Variants in VPS13D observed in about 807,000 individuals in gnomAD.
VPS13D encodes the protein vacuolar protein sorting 13 homolog D.
In VPS13D, 187 loss-of-function variants were observed where a neutral mutation model predicts 461.9. The observed-to-expected ratio is 0.40, with a 90% CI of 0.36 to 0.46. The LOEUF is 0.46. Among genes scored for constraint, VPS13D ranks in the 20% least tolerant of loss-of-function variants. The pLI is 0.60. For missense variants in VPS13D, 4,711 were observed against 5,364.9 expected (o/e 0.88, Z 3.81); for synonymous variants, 1,951 against 1,986.3 (o/e 0.98, Z 0.47).
chr1:12,262,745 C>T (rs923489894), intron 13 of VPS13D, among the ~76,000 whole-genome samples: 4 of 151,650 alleles, frequency 2.6e-5, no homozygotes, highest in Non-Finnish European at 1.5e-5. Context: ...GCTCTGTCGC[C>T]TAGGCTGCAG....
Position 12,288,325 on chromosome 1 carries a change from G to T in VPS13D, c.5725+12G>T. 1 of 1,613,116 alleles carries T rather than the reference G, an allele frequency of 6.2e-7. No homozygotes were observed. The highest frequency in any genetic ancestry group is 8.5e-7 in the Non-Finnish European group (1 of 1,179,100). On this transcript the variant is annotated intron_variant, in intron 22 of 69. Coordinates refer to ENST00000620676, the MANE Select transcript of VPS13D (RefSeq NM_015378.4). ...CCTGGAAATGATTGGTAAGTGGTGG[G>T]GGGTGGAGGGAAGCAAACTTGCAAA...
chr1:12,303,766 A>T (rs536834315), intron 25 of VPS13D, among the ~76,000 whole-genome samples: 37 of 152,226 alleles, frequency 2.4e-4, no homozygotes, highest in Non-Finnish European at 7.3e-5. Flanking sequence ...GGAGCTGTGC[A>T]GACATGTAGC....
At chr1:12,266,218 A>G (rs768758101) in intron 13 of VPS13D, among the ~76,000 whole-genome samples, 2 of 152,198 alleles carry the variant, frequency 1.3e-5, no homozygotes, top group African/African-American at 4.8e-5. Context: ...TAGGATACTA[A>G]ATCAACTTAG....
At chr1:12,403,387 T>G (rs769591392) in intron 62 of VPS13D, among the ~76,000 whole-genome samples, 4 of 152,260 alleles carry the variant, frequency 2.6e-5, no homozygotes, top group Non-Finnish European at 4.4e-5. Context: ...GCATTTATGT[T>G]TCACTCAGAT....
intron 42 of VPS13D, among the ~76,000 whole-genome samples, chr1:12,344,506 A>C (rs1643635364): frequency 6.6e-6 from 1 of 152,184 alleles, no homozygotes; most frequent in Non-Finnish European, 1.5e-5. Context: ...TGGTCCCCAC[A>C]GTTCTTGGAG....
chr1:12,320,895 T>A (rs1325480113), intron 32 of VPS13D, among the ~76,000 whole-genome samples: 1 of 152,228 alleles, frequency 6.6e-6, no homozygotes, highest in Non-Finnish European at 1.5e-5. Flanking sequence ...AAGACCAGCT[T>A]GATAAATCAT....
At chr1:12,429,113 T>A (rs1287585263) in intron 65 of VPS13D, among the ~76,000 whole-genome samples, 4 of 152,020 alleles carry the variant, frequency 2.6e-5, no homozygotes, top group Admixed American at 1.3e-4. Flanking sequence ...ACAACTTTTT[T>A]TTTTTTTTTG....
At chr1:12,313,255 G>A (rs1357916475) in intron 29 of VPS13D, among the ~76,000 whole-genome samples, 1 of 150,472 alleles carries the variant, frequency 6.6e-6, no homozygotes, top group Non-Finnish European at 1.5e-5. Flanking sequence ...CTGAAACTGT[G>A]GTCCCACATT....
At chr1:12,240,343 C>T (rs1640305059) in intron 2 of VPS13D, among the ~76,000 whole-genome samples, 1 of 152,016 alleles carries the variant, frequency 6.6e-6, no homozygotes, top group Non-Finnish European at 1.5e-5. Flanking sequence ...GCCTGTAATT[C>T]TAGCACTTTG....
intron 1 of VPS13D, among the ~76,000 whole-genome samples, chr1:12,232,966 C>T (rs908818217): frequency 6.6e-6 from 1 of 151,054 alleles, no homozygotes; most frequent in South Asian, 2.1e-4. Flanking sequence ...GTGAATTCTC[C>T]CCCCACCCCC....
chr1:12,363,273 C>CA, intron 52 of VPS13D, 26 bp downstream of exon 52: 1 of 1,607,370 alleles, frequency 6.2e-7, no homozygotes, highest in South Asian at 1.1e-5. Flanking sequence ...TAAATATAGA[C>CA]AAAAAGGTAG....
chr1:12,494,356 G>A (rs548047136), intron 67 of VPS13D, among the ~76,000 whole-genome samples: 7 of 152,240 alleles, frequency 4.6e-5, no homozygotes, highest in Non-Finnish European at 1.0e-4. Context: ...TGTATTGGGA[G>A]TGGGGGTGAG....
intron 39 of VPS13D, 87 bp from the exon 40 acceptor site, chr1:12,338,144 T>C (rs1643490037): frequency 8.4e-7 from 1 of 1,189,284 alleles, no homozygotes; most frequent in South Asian, 1.2e-5. Context: ...TGTAATGTTC[T>C]CTATTTGTGC....
At chr1:12,385,209 T>A (rs1272043208) in intron 58 of VPS13D, 51 bp from the exon 59 acceptor site, 1 of 1,473,086 alleles carries the variant, frequency 6.8e-7, no homozygotes, top group African/African-American at 1.4e-5. Flanking sequence ...TAGAATAGGT[T>A]TCAATAAGGA....
chr1:12,355,356 G>T (rs1322248338), intron 47 of VPS13D, among the ~76,000 whole-genome samples: 1 of 152,172 alleles, frequency 6.6e-6, no homozygotes, highest in Admixed American at 6.5e-5. Context: ...TGCAACACTT[G>T]AAACAAAGAG....
intron 5 of VPS13D, among the ~76,000 whole-genome samples, chr1:12,247,790 G>A (rs935559287): frequency 1.3e-5 from 2 of 148,986 alleles, no homozygotes; most frequent in Admixed American, 6.8e-5. Flanking sequence ...TGCAACCTCC[G>A]CCTCCCGGAT....
At chr1:12,247,765 G>A (rs991218443) in intron 5 of VPS13D, among the ~76,000 whole-genome samples, 3 of 150,620 alleles carry the variant, frequency 2.0e-5, no homozygotes, top group South Asian at 2.1e-4. Flanking sequence ...ATGTGGTGGC[G>A]TGATCTCGGC....
At chr1:12,465,113 G>T (rs1476376855) in intron 67 of VPS13D, 1 of 152,258 alleles carries the variant, frequency 6.6e-6, no homozygotes, top group Non-Finnish European at 1.5e-5. Context: ...AAGTTGCAGA[G>T]ACCCGGGAGC....
At chr1:12,280,424 AGTG>A (rs1247341893) in intron 20 of VPS13D, among the ~76,000 whole-genome samples, 3 of 151,918 alleles carry the variant, frequency 2.0e-5, no homozygotes, top group African/African-American at 4.8e-5. Context: ...TTGCCCCATC[AGTG>A]GTAGCTACCA....
Sources: allele counts gnomAD v4.1 joint callset (sites outside exome capture counted in the v4.1 genomes callset), GRCh38; gene constraint gnomAD v4.1.1; transcripts MANE v1.5; gene names NCBI Gene and HGNC (gene_info 2026-07-23, HGNC 2026-07-21).